FBXO47: variants seen among roughly 807,000 people sequenced by gnomAD.
FBXO47 encodes F-box only protein 47.
Under a neutral mutation model 53.9 loss-of-function variants are expected in FBXO47, and 34 were observed. The observed-to-expected ratio is 0.63, with a 90% CI of 0.48 to 0.84. FBXO47 has a LOEUF of 0.84. Among genes scored for constraint, FBXO47 ranks in the 40% least tolerant of loss-of-function variants. The pLI is 0.00. For missense variants in FBXO47, 485 were observed against 541.3 expected (o/e 0.90, Z 1.03); for synonymous variants, 165 against 181.6 (o/e 0.91, Z 0.73).
intron 6 of FBXO47, among the ~76,000 whole-genome samples, chr17:38,946,676 AAATATATATG>A (rs1318207604): frequency 1.8e-5 from 1 of 54,140 alleles, no homozygotes; most frequent in African/African-American, 8.4e-5. Context: ...AAATATATAT[AAATATATATG>A]AATATATAAA....
Position 38,957,269 on chromosome 17 carries a change from G to C in FBXO47, c.353-16C>G, listed in dbSNP as rs1170091487. 5 of 1,571,894 alleles carry C rather than the reference G, an allele frequency of 3.2e-6. No homozygotes were observed. Among genetic ancestry groups the C allele is most frequent in the Non-Finnish European group, 4.4e-6 (5 of 1,144,252 alleles). ...AACAGTAGACCTAAGAAAGTAAAGA[G>C]ACATAAGAAAAAATGACAACAATAC... On this transcript the variant is annotated splice_polypyrimidine_tract_variant and intron_variant, in intron 3 of 10. Coordinates refer to ENST00000378079, the MANE Select transcript of FBXO47 (RefSeq NM_001008777.3).
intron 4 of FBXO47, among the ~76,000 whole-genome samples, chr17:38,955,562 G>C (rs1481871389): frequency 1.3e-5 from 2 of 151,664 alleles, no homozygotes; most frequent in African/African-American, 2.4e-5. Context: ...TCATGCCTTA[G>C]CCTCCCAAGT....
At chr17:38,944,281 T>C (rs1167090340) in intron 7 of FBXO47, among the ~76,000 whole-genome samples, 1 of 150,786 alleles carries the variant, frequency 6.6e-6, no homozygotes, top group Admixed American at 6.6e-5. Flanking sequence ...ATTCTAGCAC[T>C]TGGGGAGGCC....
intron 8 of FBXO47, 54 bp downstream of exon 8, chr17:38,943,536 C>A: frequency 8.6e-7 from 1 of 1,165,996 alleles, no homozygotes; most frequent in East Asian, 2.8e-5. Context: ...AATTTTATAA[C>A]TGCATTTTAA....
chr17:38,954,484 C>T (rs889219911), intron 5 of FBXO47, among the ~76,000 whole-genome samples: 1 of 151,964 alleles, frequency 6.6e-6, no homozygotes, highest in Non-Finnish European at 1.5e-5. Flanking sequence ...CCTTAAATAA[C>T]CAGCCCAAGA....
At position 38,954,912 on chromosome 17, in the gene FBXO47, C is replaced by T. The variant is rs1281892884; in HGVS notation, c.451G>A (p.Gly151Ser). The T allele has an allele frequency of 5.0e-6, 8 of 1,610,932 alleles. No homozygotes were observed. In the South Asian group the frequency reaches 8.8e-5, roughly 18 times the overall value. The change falls in exon 5 of 11, where the codon GGC becomes AGC. Residue 151 changes from glycine to serine, a missense_variant. Coordinates refer to ENST00000378079, the MANE Select transcript of FBXO47 (RefSeq NM_001008777.3). Reference sequence around the variant, plus strand: ...AAACACTGCATAGGAGCTGCACAGCCATTGAATTTAAAGCAGGAAACCTGT... The same window carrying T: ...AAACACTGCATAGGAGCTGCACAGCTATTGAATTTAAAGCAGGAAACCTGT... ...LTEVSCFKFN[G>S]CAAPMQCLGL...
At chr17:38,950,511 G>C (rs1181920141) in intron 6 of FBXO47, among the ~76,000 whole-genome samples, 1 of 148,556 alleles carries the variant, frequency 6.7e-6, no homozygotes, top group Non-Finnish European at 1.5e-5. Context: ...TGTCGCCCAG[G>C]CTGGTCTCTA....
chr17:38,943,652 T>A lies in FBXO47; in HGVS notation c.878A>T (p.Tyr293Phe). Residue 293 changes from tyrosine to phenylalanine, a missense_variant, in exon 8 of 11, where the codon TAT (tyrosine) becomes TTT (phenylalanine). Coordinates refer to ENST00000378079, the MANE Select transcript of FBXO47 (RefSeq NM_001008777.3). ...TGTCCACTCTTTAGTGCTAGCGTCA[T>A]ATAGTAACTTAATGGCATCAGCCAA... ...KGLADAIKLL[Y>F]DASTKEWTAD... The A allele has an allele frequency of 6.2e-7, 1 of 1,610,280 alleles. No homozygotes were observed. The highest frequency in any genetic ancestry group is 1.1e-5 in the South Asian group (1 of 90,458).
intron 3 of FBXO47, among the ~76,000 whole-genome samples, chr17:38,959,597 A>G (rs982227298): frequency 1.5e-4 from 22 of 150,516 alleles, no homozygotes; most frequent in Non-Finnish European, 1.5e-4. Context: ...AAAAAAAAAA[A>G]AAAAAAGAAA....
At chr17:38,939,664 T>C (rs975999468) in intron 9 of FBXO47, among the ~76,000 whole-genome samples, 2 of 131,846 alleles carry the variant, frequency 1.5e-5, no homozygotes, top group Non-Finnish European at 3.2e-5. Context: ...TTTTTTTTTT[T>C]TTTTTTTTTT....
rs1422394284 is a variant in FBXO47 at position 38,957,152 on chromosome 17, A to C, written c.429+25T>G. 5 of 1,430,742 alleles carry C rather than the reference A, an allele frequency of 3.5e-6. No homozygotes were observed. In the African/African-American group the frequency reaches 7.0e-5, roughly 20 times the overall value. The allele number at this position is 1,430,742 out of a possible 1,614,324, so 88.6% of individuals were successfully genotyped here. On this transcript the variant is annotated intron_variant, in intron 4 of 10. Coordinates refer to ENST00000378079, the MANE Select transcript of FBXO47 (RefSeq NM_001008777.3). ...ATCTTTACTGGAAATCAAGATTGTA[A>C]ACTAATTTAGAAGTATGATCTTACT...
At position 38,937,010 on chromosome 17, in the gene FBXO47, T is replaced by A; in HGVS notation, c.*165A>T. On this transcript the variant is annotated 3_prime_UTR_variant, in exon 11 of 11. Coordinates refer to ENST00000378079, the MANE Select transcript of FBXO47 (RefSeq NM_001008777.3). ...TTGAGGCTGCCTGTTATTTTTATAT[T>A]AATAATGATGTACGTAGTTGCTTCT... The A allele has an allele frequency of 2.4e-6, 1 of 412,544 alleles. No individual in the cohort carries two copies. The highest frequency in any genetic ancestry group is 4.3e-6 in the Non-Finnish European group (1 of 233,512). 25.6% of individuals were successfully genotyped at this position (412,544 alleles called of 1,614,324 possible). A position where few individuals can be genotyped will look rare whatever the true frequency, so the allele number is the denominator to read the frequency against.
At chr17:38,940,694 G>C (rs933096209) in intron 9 of FBXO47, among the ~76,000 whole-genome samples, 3 of 151,890 alleles carry the variant, frequency 2.0e-5, no homozygotes, top group African/African-American at 7.3e-5. Context: ...TTATTTTTTA[G>C]AGACAGGGTC....
intron 5 of FBXO47, among the ~76,000 whole-genome samples, chr17:38,952,189 G>A (rs984066634): frequency 6.6e-6 from 1 of 151,998 alleles, no homozygotes; most frequent in African/African-American, 2.4e-5. Context: ...AGCTGGGCTC[G>A]GTGGCACGCA....
In FBXO47 at chr17:38,942,008, C is replaced by T. The variant is rs7209464; in HGVS notation, c.1083+770G>A. On this transcript the variant is annotated intron_variant, in intron 9 of 10. Coordinates refer to ENST00000378079, the MANE Select transcript of FBXO47 (RefSeq NM_001008777.3). ...ATTTTTAAGACTTTTTATTTTGAAA[C>T]ATTTTGACTATACAAAATTAGAGAG... is the stretch of plus-strand genomic sequence containing the variant. 2.3e-3 allele frequency among the ~76,000 whole-genome samples: 347 copies of T among 151,974 alleles called. 1 individual carries two copies. Among genetic ancestry groups the T allele is most frequent in the African/African-American group, 8.2e-3 (338 of 41,466 alleles).
At chr17:38,942,461 GTGCA>G (rs1433360875) in intron 9 of FBXO47, among the ~76,000 whole-genome samples, 1 of 152,056 alleles carries the variant, frequency 6.6e-6, no homozygotes, top group African/African-American at 2.4e-5. Flanking sequence ...GGGCATAGTG[GTGCA>G]TGCCTTTAGT....
intron 1 of FBXO47, among the ~76,000 whole-genome samples, 167 bp downstream of exon 1, chr17:38,967,062 T>C (rs1274673133): frequency 6.6e-6 from 1 of 151,946 alleles, no homozygotes; most frequent in African/African-American, 2.4e-5. Flanking sequence ...ACCCCATCTG[T>C]CGGGCAGCTG....
Position 38,937,241 on chromosome 17 carries a change from T to C in FBXO47, c.1293A>G (p.Val431=). 5.0e-6 allele frequency: 8 copies of C among 1,611,028 alleles called. No individual in the cohort carries two copies. The highest frequency in any genetic ancestry group is 6.8e-6 in the Non-Finnish European group (8 of 1,177,750). Reference sequence around the variant, plus strand: ...CCTTATGGAAGTTAGCCTGAGCATGTACAAGATGGAACAAATTCAAAAAGC... The same window carrying C: ...CCTTATGGAAGTTAGCCTGAGCATGCACAAGATGGAACAAATTCAAAAAGC... ...DRSFLNLFHL[V]HAQANFHKEV... The change falls in exon 11 of 11, where the codon GTA becomes GTG. Residue 431 remains valine (V), a synonymous_variant. Transcript: ENST00000378079.
intron 6 of FBXO47, among the ~76,000 whole-genome samples, chr17:38,945,741 C>T (rs1904726262): frequency 6.6e-6 from 1 of 151,608 alleles, no homozygotes; most frequent in South Asian, 2.1e-4. Context: ...TCGAGACCAA[C>T]CTGGCTAACA....
Sources: allele counts gnomAD v4.1 joint callset (sites outside exome capture counted in the v4.1 genomes callset), GRCh38; gene constraint gnomAD v4.1.1; transcripts MANE v1.5; gene names NCBI Gene and HGNC (gene_info 2026-07-23, HGNC 2026-07-21).